The following ZNF420 variants were observed in gnomAD, a reference collection of about 807,000 sequenced individuals.
The protein encoded by ZNF420 is ATM and p53-associated KZNF protein.
Under a neutral mutation model 44.7 loss-of-function variants are expected in ZNF420, and 31 were observed. The ratio of observed to expected loss-of-function variants is 0.69; its 90% CI spans 0.52 to 0.94. The LOEUF (loss-of-function observed/expected upper bound fraction) is 0.94. ZNF420 is among the 40% of genes least tolerant of loss of function. ZNF420 has a pLI of 0.00. For missense variants in ZNF420, 681 were observed against 827.9 expected (o/e 0.82, Z 2.18); for synonymous variants, 245 against 267.4 (o/e 0.92, Z 0.82).
intron 1 of ZNF420, among the ~76,000 whole-genome samples, chr19:37,037,439 C>T (rs1967376591): frequency 6.6e-6 from 1 of 152,220 alleles, no homozygotes; most frequent in Admixed American, 6.5e-5. Context: ...TCCATGGAAG[C>T]GCAGGCTTCC....
Position 37,127,279 on chromosome 19 carries a change from G to A in ZNF420, c.288G>A (p.Met96Ile). 1 of 1,613,540 alleles carries A rather than the reference G, an allele frequency of 6.2e-7. No individual in the cohort carries two copies. The highest frequency in any genetic ancestry group is 8.5e-7 in the Non-Finnish European group (1 of 1,179,764). The change falls in exon 5 of 5, where the codon ATG (methionine) becomes ATA (isoleucine). Residue 96 changes from methionine to isoleucine, a missense_variant. Coordinates refer to ENST00000337995, the MANE Select transcript of ZNF420 (RefSeq NM_144689.5). ...ATTATTTGGAAGCCAAAGGCAAGAT[G>A]GAGAAGCAACAAGAAAATCAGAAGG... Reference protein sequence around the residue: ...SRDYLEAKGKMEKQQENQKEY... With the variant: ...SRDYLEAKGKIEKQQENQKEY...
intron 1 of ZNF420, among the ~76,000 whole-genome samples, chr19:37,038,117 G>A (rs931636480): frequency 1.5e-5 from 2 of 135,172 alleles, no homozygotes; most frequent in African/African-American, 2.9e-5. Context: ...GTGACAGAGC[G>A]AGACTCCGTC....
intron 2 of ZNF420, among the ~76,000 whole-genome samples, chr19:37,087,829 T>A (rs1190949928): frequency 6.6e-6 from 1 of 152,146 alleles, no homozygotes; most frequent in Non-Finnish European, 1.5e-5. Context: ...TTATTTTTAG[T>A]AGAGACGGGG....
intron 4 of ZNF420, among the ~76,000 whole-genome samples, chr19:37,118,731 C>T (rs367730129): frequency 0.018 from 2,702 of 151,112 alleles, 62 homozygotes; most frequent in East Asian, 0.046. Context: ...ACCCATCTCA[C>T]GTGCAGAGAC....
In ZNF420 at chr19:37,129,922, T is replaced by C; in HGVS notation, c.*864T>C. ...TTTGAAGTAAACAAAATAACTGATA[T>C]TACAGACTATTTTGCAATGAAAAAT... On this transcript the variant is annotated 3_prime_UTR_variant, in exon 5 of 5. Coordinates refer to ENST00000337995, the MANE Select transcript of ZNF420 (RefSeq NM_144689.5). The C allele has an allele frequency of 7.5e-7, 1 of 1,334,368 alleles. No individual in the cohort carries two copies. The highest frequency in any genetic ancestry group is 9.9e-7 in the Non-Finnish European group (1 of 1,013,540). 82.7% of individuals were successfully genotyped at this position (1,334,368 alleles called of 1,614,324 possible).
At chr19:37,041,759 T>C (rs758565986) in intron 1 of ZNF420, among the ~76,000 whole-genome samples, 33 of 152,222 alleles carry the variant, frequency 2.2e-4, no homozygotes, top group Non-Finnish European at 2.4e-4. Flanking sequence ...AGTTCATTCA[T>C]GCTCATTATT....
At chr19:37,101,710 G>C (rs1009373689) in intron 4 of ZNF420, among the ~76,000 whole-genome samples, 1 of 152,238 alleles carries the variant, frequency 6.6e-6, no homozygotes, top group African/African-American at 2.4e-5. Flanking sequence ...TCTCCACCTG[G>C]GTGGACCTAG....
intron 1 of ZNF420, among the ~76,000 whole-genome samples, chr19:37,008,421 G>A (rs529669807): frequency 6.6e-6 from 1 of 152,250 alleles, no homozygotes; most frequent in East Asian, 1.9e-4. Context: ...TCTCTGCCTG[G>A]GTCATGTGGA....
chr19:37,120,493 T>G (rs1318070111), intron 4 of ZNF420, among the ~76,000 whole-genome samples: 1 of 152,102 alleles, frequency 6.6e-6, no homozygotes, highest in Non-Finnish European at 1.5e-5. Context: ...AAGAGCTATC[T>G]ATGACAAACC....
At chr19:37,097,827 C>T (rs1969542250) in intron 4 of ZNF420, among the ~76,000 whole-genome samples, 1 of 152,056 alleles carries the variant, frequency 6.6e-6, no homozygotes, top group Non-Finnish European at 1.5e-5. Context: ...TAAAATTTTA[C>T]CTTTGTTCAC....
intron 2 of ZNF420, among the ~76,000 whole-genome samples, chr19:37,084,589 T>C (rs1250944653): frequency 6.6e-6 from 1 of 152,182 alleles, no homozygotes; most frequent in African/African-American, 2.4e-5. Flanking sequence ...CTGAAAACGT[T>C]TGTGAAAGAA....
At chr19:37,011,740 G>A (rs772375530) in intron 1 of ZNF420, among the ~76,000 whole-genome samples, 1 of 152,080 alleles carries the variant, frequency 6.6e-6, no homozygotes, top group Non-Finnish European at 1.5e-5. Context: ...TGTTCGTCTC[G>A]CCATCGCCCC....
At chr19:37,120,001 G>A (rs1425086846) in intron 4 of ZNF420, among the ~76,000 whole-genome samples, 1 of 152,090 alleles carries the variant, frequency 6.6e-6, no homozygotes, top group African/African-American at 2.4e-5. Flanking sequence ...ACCAAAAAGA[G>A]TCCAGGACCA....
intron 1 of ZNF420, among the ~76,000 whole-genome samples, chr19:37,023,860 T>A (rs886718430): frequency 4.6e-5 from 7 of 152,090 alleles, no homozygotes; most frequent in African/African-American, 1.7e-4. Flanking sequence ...CCAAATTGTT[T>A]CTCAGTGGTA....
intron 2 of ZNF420, among the ~76,000 whole-genome samples, chr19:37,085,059 G>T (rs1447004789): frequency 6.6e-6 from 1 of 151,934 alleles, no homozygotes; most frequent in Non-Finnish European, 1.5e-5. Context: ...GCTTCCTAAG[G>T]TGGGAGCCTA....
At position 37,128,104 on chromosome 19, in the gene ZNF420, C is replaced by T. The variant is rs1971458752; in HGVS notation, c.1113C>T (p.Ala371=). The change falls in exon 5 of 5, where the codon GCC becomes GCT. Residue 371 remains alanine, a synonymous_variant. Transcript: ENST00000337995. ...KPYKCEECGK[A]FIRGSQLTQH... is the part of the protein sequence containing the mutation. Reference sequence around the variant, plus strand: ...ATAAATGTGAAGAATGTGGGAAGGCCTTTATCCGTGGCTCACAACTTACTC... The same window carrying T: ...ATAAATGTGAAGAATGTGGGAAGGCTTTTATCCGTGGCTCACAACTTACTC... The T allele has an allele frequency of 1.2e-6, 2 of 1,614,034 alleles. No homozygotes were observed. The highest frequency in any genetic ancestry group is 1.7e-6 in the Non-Finnish European group (2 of 1,179,974).
chr19:37,112,060 G>C (rs1266997040), intron 4 of ZNF420, among the ~76,000 whole-genome samples: 2 of 151,886 alleles, frequency 1.3e-5, no homozygotes, highest in Admixed American at 6.6e-5. Flanking sequence ...AAAGCCTCCA[G>C]TTTTCGTTTT....
intron 1 of ZNF420, among the ~76,000 whole-genome samples, chr19:37,030,584 G>T (rs1380471948): frequency 6.6e-6 from 1 of 152,198 alleles, no homozygotes; most frequent in Non-Finnish European, 1.5e-5. Flanking sequence ...CATCCATGTT[G>T]TGGCAAATGG....
intron 1 of ZNF420, among the ~76,000 whole-genome samples, chr19:37,063,662 C>T (rs931721120): frequency 6.6e-6 from 1 of 150,770 alleles, no homozygotes; most frequent in African/African-American, 2.4e-5. Flanking sequence ...TAATAAATAT[C>T]ATATCCTCCT....
Sources: allele counts gnomAD v4.1 joint callset (sites outside exome capture counted in the v4.1 genomes callset), GRCh38; gene constraint gnomAD v4.1.1; transcripts MANE v1.5; gene names NCBI Gene and HGNC (gene_info 2026-07-23, HGNC 2026-07-21).